Variants in EXOC1 observed in about 807,000 individuals in gnomAD.
The protein encoded by EXOC1 is SEC3-like 1.
Under a neutral mutation model 107.7 loss-of-function variants are expected in EXOC1, and 67 were observed. That is an observed-to-expected ratio of 0.62 (90% CI 0.51 to 0.76). The LOEUF is 0.76. EXOC1 is among the 30% of genes least tolerant of loss of function. The pLI, the probability that EXOC1 is intolerant of heterozygous loss-of-function variation, is 0.00. For missense variants in EXOC1, 833 were observed against 1,055.7 expected (o/e 0.79, Z 2.92); for synonymous variants, 348 against 353.5 (o/e 0.98, Z 0.17).
chr4:55,880,172 A>G (rs1723265006), intron 9 of EXOC1, among the ~76,000 whole-genome samples: 1 of 152,074 alleles, frequency 6.6e-6, no homozygotes. Flanking sequence ...GTTTTCATGT[A>G]TTTTCTCTTT....
intron 8 of EXOC1, chr4:55,876,405 T>G (rs1006650386): frequency 5.2e-5 from 36 of 694,172 alleles, no homozygotes; most frequent in Non-Finnish European, 5.7e-5. Context: ...ATACTGTATA[T>G]TATATAATCA....
chr4:55,884,501 A>G (rs976015550), intron 10 of EXOC1, among the ~76,000 whole-genome samples: 1 of 152,230 alleles, frequency 6.6e-6, no homozygotes, highest in African/African-American at 2.4e-5. Context: ...GCTTTGATGC[A>G]TGTTAATTTT....
At chr4:55,876,024 C>G (rs1722863800) in intron 8 of EXOC1, 6 of 982,790 alleles carry the variant, frequency 6.1e-6, no homozygotes, top group Non-Finnish European at 7.2e-6. Flanking sequence ...GATTATCCTT[C>G]TGGCATCTTG....
intron 14 of EXOC1, among the ~76,000 whole-genome samples, chr4:55,893,213 G>A (rs1724788082): frequency 1.3e-5 from 2 of 152,086 alleles, no homozygotes; most frequent in African/African-American, 2.4e-5. Flanking sequence ...TTCACCTCCC[G>A]GGTTCAAGCG....
At chr4:55,869,797 G>C (rs748724164) in intron 5 of EXOC1, among the ~76,000 whole-genome samples, 1 of 152,180 alleles carries the variant, frequency 6.6e-6, no homozygotes, top group Non-Finnish European at 1.5e-5. Flanking sequence ...AAACCACAGC[G>C]TCAGCTGTAC....
intron 13 of EXOC1, among the ~76,000 whole-genome samples, chr4:55,891,790 T>C (rs1258604103): frequency 6.6e-6 from 1 of 152,218 alleles, no homozygotes; most frequent in Non-Finnish European, 1.5e-5. Flanking sequence ...TTAGAGTGTA[T>C]ACACTTTGGT....
chr4:55,863,749 G>A (rs1378113460), intron 3 of EXOC1, among the ~76,000 whole-genome samples: 1 of 152,244 alleles, frequency 6.6e-6, no homozygotes, highest in Non-Finnish European at 1.5e-5. Context: ...AGTACACCAG[G>A]ATATACATTG....
At chr4:55,892,776 T>C (rs1577761112) in intron 14 of EXOC1, 65 bp downstream of exon 14, 2 of 1,463,536 alleles carry the variant, frequency 1.4e-6, no homozygotes, top group Middle Eastern at 1.7e-4. Context: ...GGAGTGCTGC[T>C]CATTGAGGGG....
chr4:55,876,211 G>A, intron 8 of EXOC1: 1 of 985,328 alleles, frequency 1.0e-6, no homozygotes, highest in Non-Finnish European at 1.2e-6. Context: ...ATACAGAATT[G>A]TTCCATTCTT....
intron 16 of EXOC1, among the ~76,000 whole-genome samples, chr4:55,898,211 C>G (rs1725467667): frequency 6.6e-6 from 1 of 152,146 alleles, no homozygotes; most frequent in Admixed American, 6.5e-5. Context: ...GAGCCTTGTT[C>G]ATGCTACTGC....
Position 55,871,152 on chromosome 4 carries a change from C to G in EXOC1, c.883C>G (p.Leu295Val). The G allele has an allele frequency of 1.2e-6, 2 of 1,613,908 alleles. No homozygotes were observed. Among genetic ancestry groups the G allele is most frequent in the South Asian group, 2.2e-5 (2 of 91,072 alleles). Residue 295 changes from leucine (L) to valine (V), a missense_variant, in exon 7 of 19, where the codon CTT becomes GTT. By Grantham distance (32) the Leu-to-Val change is conservative. Around this residue, in one of 2 missense-constraint regions of EXOC1, gnomAD observed 617 missense variants for 701.3 expected, o/e 0.88. Transcript: ENST00000381295. ...TATAAAGGCCCTTCAGGAAGGAGAT[C>G]TTGCTTCTTCCAGAGGCATTGAGGC... ...GHIKALQEGDLASSRGIEACT... is the reference protein window; with the variant it reads ...GHIKALQEGDVASSRGIEACT...
chr4:55,870,628 T>TTTG (rs111685222), intron 5 of EXOC1, 50 bp from the exon 6 acceptor site: 10 of 1,318,258 alleles, frequency 7.6e-6, no homozygotes, highest in South Asian at 1.2e-5. Context: ...CAAGTATGTT[T>TTTG]TTTGTTTGTT....
At chr4:55,868,685 G>A in intron 5 of EXOC1, 162 bp downstream of exon 5, 1 of 508,980 alleles carries the variant, frequency 2.0e-6, no homozygotes. Flanking sequence ...TACTGTTCTT[G>A]TTCAAAAGAT....
At chr4:55,876,837 A>G in intron 8 of EXOC1, 1 of 984,812 alleles carries the variant, frequency 1.0e-6, no homozygotes, top group South Asian at 4.7e-5. Context: ...TCCATTTTAA[A>G]TTGGGATATA....
chr4:55,902,370 CGT>C lies in EXOC1; in HGVS notation c.2366_2367del (p.Val789GlyfsTer16). ...NHFFEGVEAR[V>X]AQGIREEEVS... ...ATTTCTTTGAAGGTGTTGAAGCTCG[CGT>C]GGCACAGGGCATAAGGGAGGAGGAA... On this transcript the variant is annotated frameshift_variant, in exon 18 of 19. Transcript: ENST00000381295. LOFTEE classifies it high-confidence loss of function. 6.7e-7 allele frequency: 1 copy of C among 1,494,026 alleles called. No homozygotes were observed. Among genetic ancestry groups the C allele is most frequent in the Non-Finnish European group, 8.9e-7 (1 of 1,125,766 alleles). The allele number at this position is 1,494,026 out of a possible 1,614,324, so 92.5% of individuals were successfully genotyped here.
intron 16 of EXOC1, among the ~76,000 whole-genome samples, chr4:55,897,531 A>G (rs952469259): frequency 6.6e-6 from 1 of 152,204 alleles, no homozygotes; most frequent in African/African-American, 2.4e-5. Flanking sequence ...GTCAGATCCC[A>G]CAATTAAGTT....
In EXOC1 at chr4:55,893,693, T is replaced by C. The variant is rs1413585781; in HGVS notation, c.1866T>C (p.Thr622=). The change falls in exon 15 of 19, where the codon ACT becomes ACC. Residue 622 remains threonine (T), a synonymous_variant. Coordinates refer to ENST00000381295, the MANE Select transcript of EXOC1 (RefSeq NM_001024924.2). ...TCAAAATGAGTCATCATGTGTGGAC[T>C]GCACAAAATGTGGACCCTGCTTCTT... ...MLVKMSHHVW[T]AQNVDPASFL... 3 of 1,614,052 alleles carry C rather than the reference T, an allele frequency of 1.9e-6. No individual in the cohort carries two copies.
At position 55,904,482 on chromosome 4, in the gene EXOC1, C is replaced by G; in HGVS notation, c.2672C>G (p.Ala891Gly). 6.2e-7 allele frequency: 1 copy of G among 1,611,560 alleles called. No homozygotes were observed. Among genetic ancestry groups the G allele is most frequent in the Non-Finnish European group, 8.5e-7 (1 of 1,178,956 alleles). ...QDILDYCSSIAQSH is the reference protein window; with the variant it reads ...QDILDYCSSIGQSH ...ATTCTGGATTATTGTTCCAGCATTG[C>G]ACAGTCCCACTAAACCTTGTGAAAG... The change falls in exon 19 of 19, where the codon GCA becomes GGA. Residue 891 changes from alanine to glycine, a missense_variant. Transcript: ENST00000381295.
At chr4:55,897,129 CT>C (rs755247967) in intron 16 of EXOC1, among the ~76,000 whole-genome samples, 6,361 of 135,652 alleles carry the variant, frequency 0.047, 159 homozygotes, top group Admixed American at 0.092. Context: ...AATTGAAAAT[CT>C]TTTTTTTTTT....
Sources: gnomAD v4.1 joint callset for allele counts (sites outside exome capture counted in the v4.1 genomes callset) on GRCh38, gnomAD v4.1.1 for gene constraint, gnomAD v4.1.1 regional missense constraint, MANE v1.5 for transcripts, NCBI Gene and HGNC (gene_info 2026-07-23, HGNC 2026-07-21) for gene names.